Variants in FBXO11 observed in about 807,000 individuals in gnomAD.
FBXO11 encodes the protein F-box protein 11.
Under a neutral mutation model 117.0 loss-of-function variants are expected in FBXO11, and 13 were observed. The observed-to-expected ratio is 0.11, with a 90% confidence interval of 0.07 to 0.18. The LOEUF is 0.18. Ranked by LOEUF, FBXO11 falls within the 10% of genes least tolerant of loss-of-function variation. FBXO11 has a pLI of 1.00. For synonymous variants in FBXO11, 490 were observed against 380.5 expected (o/e 1.29, Z -3.35); for missense variants, 767 against 1,164.4 (o/e 0.66, Z 4.97).
Position 47,834,592 on chromosome 2 carries a change from G to T in FBXO11, c.921C>A (p.Thr307=), listed in dbSNP as rs2104823057. 2 of 1,575,576 alleles carry T rather than the reference G, an allele frequency of 1.3e-6. No individual in the cohort carries two copies. The highest frequency in any genetic ancestry group is 1.7e-6 in the Non-Finnish European group (2 of 1,163,916). ...ATTTCAAAATACCTGCACCAATCAT[G>T]GTGATTGGAGATTCAATATATATCC... The part of the protein sequence containing the change: ...DEWIYIESPI[T]MIGAAPGKVA... Residue 307 remains threonine, a synonymous_variant, in exon 7 of 23, where the codon ACC becomes ACA. Coordinates refer to ENST00000403359, the MANE Select transcript of FBXO11 (RefSeq NM_001190274.2).
At chr2:47,820,669 T>C (rs1369476597) in intron 13 of FBXO11, among the ~76,000 whole-genome samples, 1 of 152,236 alleles carries the variant, frequency 6.6e-6, no homozygotes, top group Non-Finnish European at 1.5e-5. Context: ...TGCCACATTT[T>C]GAATCCCAGG....
chr2:47,883,025 T>A (rs1276644577), intron 1 of FBXO11, among the ~76,000 whole-genome samples: 1 of 152,166 alleles, frequency 6.6e-6, no homozygotes, highest in African/African-American at 2.4e-5. Context: ...CCATCTCTTT[T>A]CTGAGTTCTT....
intron 18 of FBXO11, chr2:47,811,223 C>T (rs886154313): frequency 6.6e-6 from 1 of 152,230 alleles, no homozygotes; most frequent in East Asian, 1.9e-4. Flanking sequence ...ATTGCATATA[C>T]ACTGTTGCTT....
chr2:47,826,805 G>C (rs1429754953), intron 11 of FBXO11, among the ~76,000 whole-genome samples: 1 of 151,944 alleles, frequency 6.6e-6, no homozygotes, highest in Admixed American at 6.6e-5. Context: ...TCACTCTGTT[G>C]CCCAGGATGG....
chr2:47,825,018 C>G (rs532888259), intron 11 of FBXO11, among the ~76,000 whole-genome samples: 2 of 152,230 alleles, frequency 1.3e-5, no homozygotes, highest in East Asian at 3.9e-4. Flanking sequence ...AAGCTCCTGT[C>G]TGGACTATTC....
rs1572753480 is a variant in FBXO11, at chr2:47,808,036, G to A, written c.*82C>T. 2.4e-6 allele frequency: 3 copies of A among 1,262,838 alleles called. No individual in the cohort carries two copies. Among genetic ancestry groups the A allele is most frequent in the South Asian group, 2.7e-5 (2 of 73,948 alleles). The allele number at this position is 1,262,838 out of a possible 1,614,324, so 78.2% of individuals were successfully genotyped here. A position where few individuals can be genotyped will look rare whatever the true frequency, so the allele number is the denominator to read the frequency against. ...AATACAGTCTCTTCCTGTAGCATGG[G>A]CAAATATTTTAAATCTTCTTCCAAA... On this transcript the variant is annotated 3_prime_UTR_variant, in exon 23 of 23. Coordinates refer to ENST00000403359, the MANE Select transcript of FBXO11 (RefSeq NM_001190274.2).
At chr2:47,828,494 C>T (rs986338941) in intron 11 of FBXO11, among the ~76,000 whole-genome samples, 1 of 152,038 alleles carries the variant, frequency 6.6e-6, no homozygotes, top group East Asian at 1.9e-4. Context: ...TGTACTCCCA[C>T]CTACTCGGGA....
At chr2:47,874,318 C>T (rs1675839067) in intron 1 of FBXO11, among the ~76,000 whole-genome samples, 1 of 152,018 alleles carries the variant, frequency 6.6e-6, no homozygotes, top group Admixed American at 6.6e-5. Flanking sequence ...TTTTCCTTTA[C>T]TTCCTATTCC....
chr2:47,834,977 T>A, intron 5 of FBXO11, 106 bp from the exon 6 acceptor site: 3 of 759,084 alleles, frequency 4.0e-6, no homozygotes, highest in Non-Finnish European at 6.4e-6. Flanking sequence ...CAAAAATAAT[T>A]CTCAACTATT....
chr2:47,826,957 T>C (rs912523204), intron 11 of FBXO11, among the ~76,000 whole-genome samples: 4 of 152,226 alleles, frequency 2.6e-5, no homozygotes, highest in African/African-American at 9.6e-5. Context: ...AACAGCTTTA[T>C]TGGAGCTTTA....
chr2:47,904,565 C>A lies in FBXO11; in HGVS notation c.232+924G>T, dbSNP rs1678585941. Reference sequence around the variant, plus strand: ...CACTAGGCCTTGGACACAACACACACACGCGCGCGCGCGCAAACACACACA... The same window carrying A: ...CACTAGGCCTTGGACACAACACACAAACGCGCGCGCGCGCAAACACACACA... On this transcript the variant is annotated intron_variant, in intron 1 of 22. Coordinates refer to ENST00000403359, the MANE Select transcript of FBXO11 (RefSeq NM_001190274.2). Among the ~76,000 whole-genome samples the A allele has an allele frequency of 3.5e-5, 5 of 144,792 alleles. No homozygotes were observed. In the South Asian group the frequency reaches 1.1e-3, roughly 33 times the overall value. 95.0% of individuals were successfully genotyped at this position (144,792 alleles called of 152,430 possible).
At chr2:47,871,601 T>C (rs751546794) in intron 1 of FBXO11, among the ~76,000 whole-genome samples, 4 of 152,240 alleles carry the variant, frequency 2.6e-5, no homozygotes, top group Non-Finnish European at 4.4e-5. Flanking sequence ...TTCATAGGTT[T>C]ATTAGCTTTG....
At chr2:47,869,696 A>C (rs1390008835) in intron 1 of FBXO11, among the ~76,000 whole-genome samples, 1 of 152,248 alleles carries the variant, frequency 6.6e-6, no homozygotes, top group Non-Finnish European at 1.5e-5. Flanking sequence ...GTAGTTATAA[A>C]TACCACATAG....
intron 1 of FBXO11, among the ~76,000 whole-genome samples, chr2:47,885,716 T>C (rs550999099): frequency 2.4e-4 from 36 of 152,306 alleles, no homozygotes; most frequent in African/African-American, 7.7e-4. Flanking sequence ...GAGTGCCTAG[T>C]TCCTCTTCCC....
chr2:47,891,105 T>C lies in FBXO11; in HGVS notation c.232+14384A>G, dbSNP rs1021353411. On this transcript the variant is annotated intron_variant, in intron 1 of 22. Transcript: ENST00000403359. ...TCCCAACATGCTGGGATTACAGGCA[T>C]GAGCCACTGCCAAAACTATTACTTT... 3.3e-5 allele frequency among the ~76,000 whole-genome samples: 5 copies of C among 152,254 alleles called. No individual in the cohort carries two copies. The East Asian group carries it at 9.6e-4, about 29-fold the overall frequency.
chr2:47,887,323 C>T (rs890164971), intron 1 of FBXO11, among the ~76,000 whole-genome samples: 2 of 150,970 alleles, frequency 1.3e-5, no homozygotes, highest in Non-Finnish European at 3.0e-5. Flanking sequence ...AGACAAGACC[C>T]TATCTCGAAT....
At chr2:47,822,337 TC>T in intron 12 of FBXO11, 34 bp from the exon 13 acceptor site, 1 of 1,379,810 alleles carries the variant, frequency 7.2e-7, no homozygotes, top group East Asian at 2.3e-5. Flanking sequence ...AAAGAAGACA[TC>T]TATTCAGCCA....
chr2:47,839,530 C>CAAAT (rs759008447), intron 2 of FBXO11, 30 bp from the exon 3 acceptor site: 5 of 1,609,446 alleles, frequency 3.1e-6, no homozygotes, highest in Non-Finnish European at 4.2e-6. Context: ...ACTAGTAAAG[C>CAAAT]AAATATTCTT....
chr2:47,808,284 G>T, intron 22 of FBXO11, 37 bp from the exon 23 acceptor site: 2 of 1,612,516 alleles, frequency 1.2e-6, no homozygotes, highest in Non-Finnish European at 1.7e-6. Flanking sequence ...AGAAAAGTGA[G>T]GGGGAAAGTA....
Sources: gnomAD v4.1 joint callset for allele counts (sites outside exome capture counted in the v4.1 genomes callset) on GRCh38, gnomAD v4.1.1 for gene constraint, MANE v1.5 for transcripts, NCBI Gene and HGNC (gene_info 2026-07-23, HGNC 2026-07-21) for gene names.